Variants in PIBF1 observed in about 807,000 individuals in gnomAD.
PIBF1 encodes the protein progesterone immunomodulatory binding factor 1.
A neutral mutation model predicts 112.5 loss-of-function variants in PIBF1; 90 were observed. That is an observed-to-expected ratio of 0.80 (90% CI 0.67 to 0.95). PIBF1 has a LOEUF of 0.95. Ranked by LOEUF, PIBF1 falls within the 40% of genes least tolerant of loss-of-function variation. The pLI, the probability that PIBF1 is intolerant of heterozygous loss-of-function variation, is 0.00. For synonymous variants in PIBF1, 301 were observed against 288.6 expected (o/e 1.04, Z -0.44); for missense variants, 915 against 852.3 (o/e 1.07, Z -0.92).
intron 8 of PIBF1, among the ~76,000 whole-genome samples, chr13:72,832,072 CTT>C (rs754794968): frequency 7.0e-5 from 3 of 42,898 alleles, no homozygotes; most frequent in Admixed American, 3.5e-4. Flanking sequence ...CAATTCCGGC[CTT>C]TTTTTTTTTT....
intron 14 of PIBF1, among the ~76,000 whole-genome samples, chr13:72,950,003 C>T (rs1594255336): frequency 6.6e-6 from 1 of 152,124 alleles, no homozygotes; most frequent in Non-Finnish European, 1.5e-5. Flanking sequence ...GCTTCCTAGA[C>T]GTGTTTGTCT....
intron 12 of PIBF1, among the ~76,000 whole-genome samples, chr13:72,909,030 G>A (rs2040805667): frequency 6.6e-6 from 1 of 150,916 alleles, no homozygotes; most frequent in South Asian, 2.1e-4. Context: ...TCAGGCAACA[G>A]AGTAATACTG....
intron 10 of PIBF1, among the ~76,000 whole-genome samples, chr13:72,879,549 C>A (rs1447870637): frequency 1.3e-5 from 2 of 152,156 alleles, no homozygotes; most frequent in Admixed American, 1.3e-4. Flanking sequence ...TAAAAGAAGG[C>A]AGTTTTTAGA....
chr13:72,842,469 T>C (rs1372651147), intron 9 of PIBF1, among the ~76,000 whole-genome samples: 1 of 152,228 alleles, frequency 6.6e-6, no homozygotes, highest in Non-Finnish European at 1.5e-5. Context: ...ATAAAAACCA[T>C]CTTGACCACA....
Position 72,939,372 on chromosome 13 carries a change from A to T in PIBF1, c.1833+8105A>T, listed in dbSNP as rs117037996. 1.0e-3 allele frequency among the ~76,000 whole-genome samples: 157 copies of T among 152,252 alleles called. 2 individuals carry two copies. The East Asian group carries it at 0.02, about 19-fold the overall frequency. On this transcript the variant is annotated intron_variant, in intron 14 of 17. Transcript: ENST00000326291. Reference sequence around the variant, plus strand: ...GAATAAAACCTTGTACCCATTAAGCACTTAATACCCACTCCTCTTTGCCCC... The same window carrying T: ...GAATAAAACCTTGTACCCATTAAGCTCTTAATACCCACTCCTCTTTGCCCC...
chr13:72,990,982 A>G (rs1412262551), intron 16 of PIBF1, among the ~76,000 whole-genome samples: 1 of 152,206 alleles, frequency 6.6e-6, no homozygotes, highest in African/African-American at 2.4e-5. Context: ...ATGCGTTGTT[A>G]CTCCCATATG....
intron 2 of PIBF1, among the ~76,000 whole-genome samples, chr13:72,790,326 A>G (rs1402073579): frequency 1.3e-5 from 2 of 151,962 alleles, no homozygotes; most frequent in Non-Finnish European, 2.9e-5. Context: ...GAGAAAACTG[A>G]TCTGGGAGGT....
chr13:72,814,191 G>A (rs558796799), intron 5 of PIBF1, among the ~76,000 whole-genome samples: 121 of 152,144 alleles, frequency 8.0e-4, no homozygotes, highest in Admixed American at 2.5e-3. Flanking sequence ...TAATCCCAGC[G>A]CTCTAGGAGG....
intron 17 of PIBF1, among the ~76,000 whole-genome samples, chr13:73,003,002 A>AAAAG (rs1280489840): frequency 6.7e-6 from 1 of 150,288 alleles, no homozygotes; most frequent in Non-Finnish European, 1.5e-5. Flanking sequence ...AAAAAAAAAA[A>AAAAG]AAAAAGCCTT....
chr13:72,869,262 T>C (rs2138417093), intron 10 of PIBF1, among the ~76,000 whole-genome samples: 1 of 152,240 alleles, frequency 6.6e-6, no homozygotes, highest in South Asian at 2.1e-4. Context: ...GTGGCACGTG[T>C]ACACCATGGG....
chr13:72,814,171 CTCACGCCTGTAA>C (rs1375413764), intron 5 of PIBF1, among the ~76,000 whole-genome samples: 1 of 152,176 alleles, frequency 6.6e-6, no homozygotes, highest in Non-Finnish European at 1.5e-5. Context: ...GGTGCAGTGG[CTCACGCCTGTAA>C]TCCCAGCGCT....
At position 72,783,482 on chromosome 13, in the gene PIBF1, A is replaced by G. The variant is rs764340841; in HGVS notation, c.13A>G (p.Ile5Val). 18 of 1,595,372 alleles carry G rather than the reference A, an allele frequency of 1.1e-5. No individual in the cohort carries two copies. The highest frequency in any genetic ancestry group is 1.5e-5 in the Non-Finnish European group (18 of 1,169,200). The change falls in exon 2 of 18, where the codon ATT becomes GTT. Residue 5 changes from isoleucine to valine, a missense_variant. By Grantham distance (29) the Ile-to-Val change is conservative (BLOSUM62 3). Transcript: ENST00000326291. MSRK[I>V]SKESKKVNIS... ...CATAATAATAAAAATGTCTCGAAAA[A>G]TTTCAAAGGAGTCAAAAAAAGTGAA...
At chr13:72,844,789 A>ACACGCACG (rs1555296219) in intron 9 of PIBF1, among the ~76,000 whole-genome samples, 1 of 119,562 alleles carries the variant, frequency 8.4e-6, no homozygotes, top group African/African-American at 3.8e-5. Flanking sequence ...ACACACACAC[A>ACACGCACG]CACACACACA....
chr13:72,967,367 CT>C (rs2042770835), intron 15 of PIBF1, among the ~76,000 whole-genome samples: 1 of 152,076 alleles, frequency 6.6e-6, no homozygotes, highest in Admixed American at 6.6e-5. Flanking sequence ...ATTTATTTTA[CT>C]AAGAATTAAG....
At chr13:72,877,879 A>T (rs577702942) in intron 10 of PIBF1, among the ~76,000 whole-genome samples, 1 of 151,586 alleles carries the variant, frequency 6.6e-6, no homozygotes, top group African/African-American at 2.4e-5. Context: ...CCTCCCGAGT[A>T]GCTGGGATTA....
intron 7 of PIBF1, 53 bp downstream of exon 7, chr13:72,827,171 A>C: frequency 1.2e-6 from 1 of 831,454 alleles, no homozygotes; most frequent in Non-Finnish European, 1.8e-6. Flanking sequence ...TTAGTGAAAA[A>C]AATAGCCCAG....
chr13:72,954,148 A>G (rs542199842), intron 14 of PIBF1, among the ~76,000 whole-genome samples: 1 of 152,268 alleles, frequency 6.6e-6, no homozygotes, highest in South Asian at 2.1e-4. Context: ...AGTAGAAGGC[A>G]GTAAGGCCCA....
intron 6 of PIBF1, among the ~76,000 whole-genome samples, chr13:72,825,678 C>G (rs1403510111): frequency 8.5e-5 from 13 of 152,072 alleles, no homozygotes; most frequent in Admixed American, 6.5e-4. Context: ...CATATATTAA[C>G]AAGAGAGAGG....
In PIBF1 at chr13:72,837,687, CT is replaced by C. The variant is rs542370068; in HGVS notation, c.1223+2323del. ...AATAACTTCCTTGCTTCTCCTTAGA[CT>C]TTTATTATCTATGTTTCCAGTATAT... On this transcript the variant is annotated intron_variant, in intron 9 of 17. Coordinates refer to ENST00000326291, the MANE Select transcript of PIBF1 (RefSeq NM_006346.4). 5.8e-3 allele frequency among the ~76,000 whole-genome samples: 879 copies of C among 152,204 alleles called. 5 individuals carry two copies. The highest frequency in any genetic ancestry group is 0.024 in the Middle Eastern group (7 of 294).
Sources: allele counts gnomAD v4.1 joint callset (sites outside exome capture counted in the v4.1 genomes callset), GRCh38; gene constraint gnomAD v4.1.1; transcripts MANE v1.5; gene names NCBI Gene and HGNC (gene_info 2026-07-23, HGNC 2026-07-21).